VSIG4: variants seen among roughly 807,000 people sequenced by gnomAD.
VSIG4 encodes V-set and immunoglobulin domain containing 4, also known as V-set and immunoglobulin domain-containing protein 4.
In VSIG4, 34 loss-of-function variants were observed where a neutral mutation model predicts 23.4. The ratio of observed to expected loss-of-function variants is 1.45; its 90% confidence interval spans 1.10 to 1.93. The LOEUF (loss-of-function observed/expected upper bound fraction) is 1.93, where lower values mean the gene tolerates loss of function less well. Ranked by LOEUF, VSIG4 falls within the 30% of genes most tolerant of loss-of-function variation. The pLI, the probability that VSIG4 is intolerant of heterozygous loss-of-function variation, is 0.00. For missense variants in VSIG4, 433 were observed against 310.8 expected, an observed-to-expected ratio of 1.39 and a Z score of -2.96; for synonymous variants, 169 against 120.3, an observed-to-expected ratio of 1.41 and a Z score of -2.65.
chrX:66,037,465 A>G (rs1362342876), intron 1 of VSIG4, among the ~76,000 whole-genome samples: 29 of 62,547 alleles, frequency 4.6e-4, no homozygotes, highest in Non-Finnish European at 7.7e-4. Flanking sequence ...TAATAATATA[A>G]TATATATAAT....
Position 66,022,510 on chromosome X carries a change from A to C in VSIG4, c.963-10T>G, listed in dbSNP as rs2085344874. 1.7e-6 allele frequency: 2 copies of C among 1,208,844 alleles called. No homozygotes were observed. Among genetic ancestry groups the C allele is most frequent in the Non-Finnish European group, 2.2e-6 (2 of 894,615 alleles). ...CTCTCTGGCATGTGCCCTATGGCCCAAGAGCCCACCACCCATAAGAAGGGA... is the reference window on the plus strand; with the variant it reads ...CTCTCTGGCATGTGCCCTATGGCCCCAGAGCCCACCACCCATAAGAAGGGA... On this transcript the variant is annotated splice_polypyrimidine_tract_variant and intron_variant, in intron 7 of 7. Coordinates refer to ENST00000374737, the MANE Select transcript of VSIG4 (RefSeq NM_007268.3).
chrX:66,036,713 TAA>T (rs1491227779), intron 1 of VSIG4, among the ~76,000 whole-genome samples: 2 of 54,295 alleles, frequency 3.7e-5, no homozygotes, highest in African/African-American at 1.6e-4. Context: ...TATAATTATA[TAA>T]TATATATATT....
At position 66,022,255 on chromosome X, in the gene VSIG4, G is replaced by T; in HGVS notation, c.*8C>A. On this transcript the variant is annotated 3_prime_UTR_variant, in exon 8 of 8. Coordinates refer to ENST00000374737, the MANE Select transcript of VSIG4 (RefSeq NM_007268.3). Reference sequence around the variant, plus strand: ...TATGTCAGCAGATCCTGGCCTAATGGGGCATTTTTAACAGACACTTTTGCC... The same window carrying T: ...TATGTCAGCAGATCCTGGCCTAATGTGGCATTTTTAACAGACACTTTTGCC... The T allele has an allele frequency of 3.3e-6, 4 of 1,211,982 alleles. No homozygotes were observed. The South Asian group carries it at 7.0e-5, about 21-fold the overall frequency.
rs2085414694 is a variant in VSIG4, at chrX:66,028,102, C to T, written c.705G>A (p.Lys235=). ...GTGCCTCAGTCTTGGTCTTGAGTAGCTTTGAGGAGTCTGCAAGGAAAAGGG... is the reference window on the plus strand; with the variant it reads ...GTGCCTCAGTCTTGGTCTTGAGTAGTTTTGAGGAGTCTGCAAGGAAAAGGG... ...IVKFVVKDSS[K]LLKTKTEAPT... Residue 235 remains lysine, a synonymous_variant, in exon 4 of 8, where the codon AAG becomes AAA. Coordinates refer to ENST00000374737, the MANE Select transcript of VSIG4 (RefSeq NM_007268.3). 1 of 1,210,240 alleles carries T rather than the reference C, an allele frequency of 8.3e-7. No homozygotes were observed. Among genetic ancestry groups the T allele is most frequent in the Non-Finnish European group, 1.1e-6 (1 of 894,510 alleles).
At chrX:66,032,089 C>G (rs2085470288) in intron 3 of VSIG4, among the ~76,000 whole-genome samples, 1 of 111,582 alleles carries the variant, frequency 9.0e-6, no homozygotes, top group Non-Finnish European at 1.9e-5. Context: ...TGCTGTGAGA[C>G]CATGGGCAAG....
chrX:66,022,311 A>G lies in VSIG4; in HGVS notation c.1152T>C (p.Val384=). ...NGNYARLLDT[V]PLDYEFLATE... Reference sequence around the variant, plus strand: ...TGGCCAGAAACTCATAATCCAGAGGAACTGTGTCCAGCAGGCGGGCGTAGT... The same window carrying G: ...TGGCCAGAAACTCATAATCCAGAGGGACTGTGTCCAGCAGGCGGGCGTAGT... The change falls in exon 8 of 8, where the codon GTT becomes GTC. Residue 384 remains valine, a synonymous_variant. Transcript: ENST00000374737. 1 of 1,212,215 alleles carries G rather than the reference A, an allele frequency of 8.2e-7. No homozygotes were observed. The highest frequency in any genetic ancestry group is 1.1e-6 in the Non-Finnish European group (1 of 895,590).
intron 6 of VSIG4, 109 bp from the exon 7 acceptor site, chrX:66,022,971 G>T: frequency 3.5e-6 from 3 of 859,834 alleles, no homozygotes; most frequent in South Asian, 2.3e-5. Context: ...CAGAGGAGGG[G>T]ATTTTAATAT....
At chrX:66,022,884 T>C (rs772707164) in intron 6 of VSIG4, 22 bp from the exon 7 acceptor site, 4 of 1,209,402 alleles carry the variant, frequency 3.3e-6, no homozygotes, top group Non-Finnish European at 4.5e-6. Context: ...GGAGGAATCA[T>C]GTCAGAAGTT....
intron 5 of VSIG4, among the ~76,000 whole-genome samples, chrX:66,027,063 G>T (rs569907802): frequency 1.8e-5 from 2 of 111,481 alleles, no homozygotes; most frequent in African/African-American, 6.5e-5. Flanking sequence ...AGCTTCAAGC[G>T]GCTTGAAGAG....
chrX:66,036,189 T>C (rs747541820), intron 1 of VSIG4, among the ~76,000 whole-genome samples: 1 of 110,616 alleles, frequency 9.0e-6, no homozygotes, highest in African/African-American at 3.3e-5. Context: ...TCCATTATGC[T>C]TCCGTTCCTT....
rs767739350 is a variant in VSIG4 at position 66,022,292 on chromosome X, G to A, written c.1171C>T (p.Leu391=). ...CAGACACTTTTGCCCTCAGTGGCCA[G>A]AAACTCATAATCCAGAGGAACTGTG... ...LDTVPLDYEF[L]ATEGKSVC Residue 391 remains leucine, a synonymous_variant, in exon 8 of 8, where the codon CTG becomes TTG. Coordinates refer to ENST00000374737, the MANE Select transcript of VSIG4 (RefSeq NM_007268.3). 1 of 1,212,281 alleles carries A rather than the reference G, an allele frequency of 8.2e-7. No individual in the cohort carries two copies. The highest frequency in any genetic ancestry group is 1.1e-6 in the Non-Finnish European group (1 of 895,632).
intron 1 of VSIG4, among the ~76,000 whole-genome samples, chrX:66,036,916 ATATAT>A (rs1205725993): frequency 1.5e-3 from 38 of 24,620 alleles, no homozygotes; most frequent in African/African-American, 4.8e-3. Context: ...ATATTATATG[ATATAT>A]TATATTATAT....
At chrX:66,030,839 C>T (rs113888115) in intron 3 of VSIG4, among the ~76,000 whole-genome samples, 10,141 of 110,993 alleles carry the variant, frequency 0.091, 493 homozygotes, top group African/African-American at 0.18. Flanking sequence ...TTGTTTTGTT[C>T]GTCAGCAAAG....
chrX:66,032,377 C>T (rs1000304210), intron 3 of VSIG4, 91 bp downstream of exon 3: 75 of 1,081,016 alleles, frequency 6.9e-5, no homozygotes, highest in Non-Finnish European at 9.0e-5. Flanking sequence ...TCCTCCTCTC[C>T]CAATTCTTCT....
At position 66,022,203 on chromosome X, in the gene VSIG4, G is replaced by A. The variant is rs561948825; in HGVS notation, c.*60C>T. The A allele has an allele frequency of 5.0e-6, 6 of 1,210,355 alleles. No individual in the cohort carries two copies. The South Asian group carries it at 8.8e-5, about 18-fold the overall frequency. On this transcript the variant is annotated 3_prime_UTR_variant, in exon 8 of 8. Transcript: ENST00000374737. Reference sequence around the variant, plus strand: ...GAGAGGTAGCAGGGAAGAAGGCCATGCAGAAGGCAAGGACTGACTAGGCAA... The same window carrying A: ...GAGAGGTAGCAGGGAAGAAGGCCATACAGAAGGCAAGGACTGACTAGGCAA...
In VSIG4 at chrX:66,032,821, T is replaced by C. The variant is rs2085481627; in HGVS notation, c.413-72A>G. ...ATGGGACCAAAAGGCTGAATCATTC[T>C]TGTTGGGCGTAAGGGCATGCATATA... is the stretch of plus-strand genomic sequence containing the variant. On this transcript the variant is annotated intron_variant, in intron 2 of 7. Coordinates refer to ENST00000374737, the MANE Select transcript of VSIG4 (RefSeq NM_007268.3). 7 of 1,084,707 alleles carry C rather than the reference T, an allele frequency of 6.5e-6. No individual in the cohort carries two copies. The South Asian group carries it at 1.3e-4, about 20-fold the overall frequency. 89.4% of individuals were successfully genotyped at this position (1,084,707 alleles called of 1,213,427 possible). A position where few individuals can be genotyped will look rare whatever the true frequency, so the allele number is the denominator to read the frequency against.
chrX:66,033,474 G>T lies in VSIG4; in HGVS notation c.412C>A (p.Leu138Ile). 1 of 1,197,166 alleles carries T rather than the reference G, an allele frequency of 8.4e-7. No homozygotes were observed. Among genetic ancestry groups the T allele is most frequent in the Middle Eastern group, 2.3e-4 (1 of 4,290 alleles). The change falls in exon 2 of 8, where the codon CTC becomes ATC. Residue 138 changes from leucine to isoleucine, a missense_variant and splice_region_variant. Transcript: ENST00000374737. The part of the protein sequence containing the change: ...DKITELRVQK[L>I]SVSKPTVTTG... ...CTTTCCTACCCCCATAGTGACTCAC[G>T]TTTCTGGACACGGAGCTCAGTAATC...
At chrX:66,028,815 G>A (rs1001520133) in intron 3 of VSIG4, among the ~76,000 whole-genome samples, 1 of 110,297 alleles carries the variant, frequency 9.1e-6, no homozygotes, top group African/African-American at 3.3e-5. Flanking sequence ...CTGTCTGGTG[G>A]TTCCCTGAAA....
intron 6 of VSIG4, 46 bp from the exon 7 acceptor site, chrX:66,022,908 G>A: frequency 8.5e-6 from 10 of 1,178,424 alleles, no homozygotes; most frequent in South Asian, 1.8e-5. Flanking sequence ...ATGGCAAGTG[G>A]ACAAAGGTCA....
Sources: gnomAD v4.1 joint callset for allele counts (sites outside exome capture counted in the v4.1 genomes callset) on GRCh38, gnomAD v4.1.1 for gene constraint, MANE v1.5 for transcripts, NCBI Gene and HGNC (gene_info 2026-07-23, HGNC 2026-07-21) for gene names.